Variants in NECTIN3 observed in about 807,000 individuals in gnomAD.
NECTIN3 encodes nectin cell adhesion molecule 3.
Under a neutral mutation model 49.4 loss-of-function variants are expected in NECTIN3, and 8 were observed. The observed-to-expected ratio is 0.16, with a 90% CI of 0.10 to 0.29. The LOEUF (loss-of-function observed/expected upper bound fraction) is 0.29, where lower values mean the gene tolerates loss of function less well. Ranked by LOEUF, NECTIN3 falls within the 10% of genes least tolerant of loss-of-function variation. NECTIN3 has a pLI of 1.00. For synonymous variants in NECTIN3, 277 were observed against 241.1 expected, an observed-to-expected ratio of 1.15 and a Z score of -1.38; for missense variants, 581 against 654.6, an observed-to-expected ratio of 0.89 and a Z score of 1.23.
chr3:111,127,760 G>GC (rs1175817712), intron 5 of NECTIN3, among the ~76,000 whole-genome samples: 5 of 151,720 alleles, frequency 3.3e-5, no homozygotes, highest in African/African-American at 4.8e-5. Context: ...GACAGGGGTG[G>GC]TCTCTCTATG....
At chr3:111,120,830 C>A (rs1398006404) in intron 3 of NECTIN3, among the ~76,000 whole-genome samples, 1 of 151,890 alleles carries the variant, frequency 6.6e-6, no homozygotes, top group Non-Finnish European at 1.5e-5. Context: ...TTAAATTAGG[C>A]CTTTCTTTTT....
chr3:111,127,038 A>T (rs1023690545), intron 5 of NECTIN3, among the ~76,000 whole-genome samples: 1 of 152,236 alleles, frequency 6.6e-6, no homozygotes, highest in African/African-American at 2.4e-5. Context: ...ATGCTTATTT[A>T]TAAAAATTCA....
intron 2 of NECTIN3, among the ~76,000 whole-genome samples, chr3:111,116,285 A>G (rs2033687426): frequency 6.6e-6 from 1 of 152,214 alleles, no homozygotes; most frequent in Non-Finnish European, 1.5e-5. Context: ...ATGTTATTCT[A>G]GCAGCCATTT....
intron 4 of NECTIN3, among the ~76,000 whole-genome samples, chr3:111,124,134 ATTT>A (rs910167695): frequency 4.6e-5 from 7 of 151,736 alleles, no homozygotes; most frequent in African/African-American, 1.7e-4. Context: ...TTTCATTTAC[ATTT>A]TTTTTAAATG....
chr3:111,163,204 T>C (rs1252274290), intron 7 of NECTIN3, among the ~76,000 whole-genome samples: 2 of 152,202 alleles, frequency 1.3e-5, no homozygotes, highest in Non-Finnish European at 2.9e-5. Flanking sequence ...ATAGTGTTTC[T>C]ACATGGTCTC....
intron 2 of NECTIN3, among the ~76,000 whole-genome samples, chr3:111,114,198 CT>C (rs2033592615): frequency 6.6e-6 from 1 of 152,012 alleles, no homozygotes; most frequent in Admixed American, 6.6e-5. Context: ...CCTTGCTTCT[CT>C]TTTTTCAAAA....
At chr3:111,095,522 A>G (rs1028463603) in intron 1 of NECTIN3, among the ~76,000 whole-genome samples, 2 of 152,310 alleles carry the variant, frequency 1.3e-5, no homozygotes, top group East Asian at 3.9e-4. Context: ...CAGACATCTA[A>G]TCTGGTTATA....
intron 1 of NECTIN3, chr3:111,074,189 A>G (rs2107346365): frequency 2.2e-6 from 1 of 454,818 alleles, no homozygotes; most frequent in African/African-American, 2.0e-5. Flanking sequence ...TAAGTCTTTG[A>G]ATAGGGCACA....
In NECTIN3 at chr3:111,137,087, G is replaced by A; in HGVS notation, c.*2872G>A. On this transcript the variant is annotated 3_prime_UTR_variant, in exon 6 of 6. Transcript: ENST00000485303. ...AAATATTTTGCATTAAGGAGCTGTA[G>A]GAGTACAGTGTATAAGTACAGAAAT... 1 of 983,088 alleles carries A rather than the reference G, an allele frequency of 1.0e-6. No homozygotes were observed. Among genetic ancestry groups the A allele is most frequent in the Non-Finnish European group, 1.2e-6 (1 of 828,000 alleles). The allele number at this position is 983,088 out of a possible 1,614,324, so 60.9% of individuals were successfully genotyped here. A position where few individuals can be genotyped will look rare whatever the true frequency, so the allele number is the denominator to read the frequency against.
intron 1 of NECTIN3, chr3:111,074,090 A>G (rs1011223669): frequency 5.2e-6 from 2 of 383,818 alleles, no homozygotes; most frequent in South Asian, 3.9e-5. Flanking sequence ...ACTCATTTAA[A>G]CAGCTTCCTT....
intron 1 of NECTIN3, among the ~76,000 whole-genome samples, chr3:111,108,595 GA>G (rs1437110638): frequency 2.6e-5 from 4 of 152,128 alleles, no homozygotes; most frequent in Non-Finnish European, 4.4e-5. Context: ...AATTTTAAAG[GA>G]AACAGGCTTA....
intron 1 of NECTIN3, chr3:111,072,627 C>G: frequency 6.7e-7 from 1 of 1,492,614 alleles, no homozygotes. Flanking sequence ...GGGTCCACTT[C>G]TCATGGCCTT....
At chr3:111,142,193 C>T (rs1422930382), downstream of NECTIN3, among the ~76,000 whole-genome samples, 1 of 151,870 alleles carries the variant, frequency 6.6e-6, no homozygotes, top group East Asian at 1.9e-4. Flanking sequence ...TAAGTACTTA[C>T]CTTTTTTCTC....
chr3:111,103,717 G>A (rs1480770353), intron 1 of NECTIN3, among the ~76,000 whole-genome samples: 1 of 152,024 alleles, frequency 6.6e-6, no homozygotes, highest in Admixed American at 6.6e-5. Flanking sequence ...GGAAATCCTT[G>A]CCTATTTCTG....
rs538446020 is a variant in NECTIN3, at chr3:111,125,890, T to C, written c.918-294T>C. Among the ~76,000 whole-genome samples the C allele has an allele frequency of 5.3e-5, 8 of 152,272 alleles. No individual in the cohort carries two copies. In the South Asian group the frequency reaches 1.7e-3, roughly 32 times the overall value. Reference sequence around the variant, plus strand: ...TTTTTCTAACTTCCAGTTTTCTGAATAAAATTTTTTTAATTATATTTTTTC... The same window carrying C: ...TTTTTCTAACTTCCAGTTTTCTGAACAAAATTTTTTTAATTATATTTTTTC... On this transcript the variant is annotated intron_variant, in intron 4 of 5. Coordinates refer to ENST00000485303, the MANE Select transcript of NECTIN3 (RefSeq NM_015480.3).
chr3:111,171,332 C>A (rs2035428601), intron 7 of NECTIN3, among the ~76,000 whole-genome samples: 1 of 152,164 alleles, frequency 6.6e-6, no homozygotes, highest in African/African-American at 2.4e-5. Flanking sequence ...CATGAGTGAA[C>A]CCTTGGGGGA....
At chr3:111,139,813 A>C (rs1269854881), downstream of NECTIN3, among the ~76,000 whole-genome samples, 7 of 151,832 alleles carry the variant, frequency 4.6e-5, no homozygotes. Context: ...CTACTACAGC[A>C]GTTTGCTAAC....
At chr3:111,162,711 A>G (rs1051138713) in intron 7 of NECTIN3, among the ~76,000 whole-genome samples, 1 of 152,172 alleles carries the variant, frequency 6.6e-6, no homozygotes, top group African/African-American at 2.4e-5. Context: ...CTACCATATA[A>G]TAAGGATTCC....
intron 5 of NECTIN3, among the ~76,000 whole-genome samples, chr3:111,130,211 C>T (rs2034335987): frequency 6.6e-6 from 1 of 151,764 alleles, no homozygotes; most frequent in Admixed American, 6.6e-5. Flanking sequence ...CAGCCTCGGC[C>T]TTCCAGAGTG....
Sources: gnomAD v4.1 joint callset for allele counts (sites outside exome capture counted in the v4.1 genomes callset) on GRCh38, gnomAD v4.1.1 for gene constraint, MANE v1.5 for transcripts, NCBI Gene and HGNC (gene_info 2026-07-23, HGNC 2026-07-21) for gene names.